The following SMIM13 variants were observed in gnomAD, a reference collection of about 807,000 sequenced individuals.
The protein encoded by SMIM13 is UPF0766 protein C6orf228.
A neutral mutation model predicts 5.9 loss-of-function variants in SMIM13; 3 were observed. That is an observed-to-expected ratio of 0.51 (90% CI 0.23 to 1.31). SMIM13 has a LOEUF of 1.31. SMIM13 is among the 40% of genes most tolerant of loss of function. SMIM13 has a pLI of 0.18. For synonymous variants in SMIM13, 55 were observed against 46.0 expected (o/e 1.19, Z -0.79); for missense variants, 85 against 109.9 (o/e 0.77, Z 1.01).
intron 1 of SMIM13, among the ~76,000 whole-genome samples, chr6:11,128,303 T>A (rs1275402122): frequency 4.6e-5 from 7 of 152,116 alleles, no homozygotes; most frequent in Non-Finnish European, 8.8e-5. Flanking sequence ...AGGGTGTATC[T>A]GGAAATGTCA....
At chr6:11,118,200 A>G (rs577228500) in intron 1 of SMIM13, among the ~76,000 whole-genome samples, 3 of 152,344 alleles carry the variant, frequency 2.0e-5, no homozygotes, top group Non-Finnish European at 2.9e-5. Context: ...TGAACGTCCC[A>G]TATATAATCA....
Position 11,136,302 on chromosome 6 carries a change from A to T in SMIM13, c.*1700A>T, listed in dbSNP as rs1175940066. 1 of 152,208 alleles carries T rather than the reference A, an allele frequency of 6.6e-6. No individual in the cohort carries two copies. The highest frequency in any genetic ancestry group is 6.5e-5 in the Admixed American group (1 of 15,276). The allele number at this position is 152,208 out of a possible 1,614,324, so 9.4% of individuals were successfully genotyped here. A position where few individuals can be genotyped will look rare whatever the true frequency, so the allele number is the denominator to read the frequency against. On this transcript the variant is annotated 3_prime_UTR_variant, in exon 2 of 2. Transcript: ENST00000416247. The stretch of plus-strand genomic sequence containing the variant: ...TTTGTCTCAACTGAACTCTGGGCTG[A>T]GTGTTTACCAGGGAGAAGAGATGTG...
At position 11,137,610 on chromosome 6, in the gene SMIM13, T is replaced by C. The variant is rs1188982494; in HGVS notation, c.*3008T>C. The C allele has an allele frequency of 6.6e-6, 1 of 152,222 alleles. No homozygotes were observed. The highest frequency in any genetic ancestry group is 1.9e-4 in the East Asian group (1 of 5,204). The allele number at this position is 152,222 out of a possible 1,614,324, so 9.4% of individuals were successfully genotyped here. ...CATCTTTTGAAGATTAATTCTAAAA[T>C]TGAGGACTCTGGTAGGTTGTTTTAT... On this transcript the variant is annotated 3_prime_UTR_variant, in exon 2 of 2. Transcript: ENST00000416247.
intron 1 of SMIM13, chr6:11,103,245 T>G (rs187984981): frequency 8.7e-4 from 143 of 164,572 alleles, no homozygotes; most frequent in African/African-American, 3.2e-3. Context: ...ACTCCTGAGA[T>G]CTTATCAGGA....
Position 11,125,671 on chromosome 6 carries a change from G to T in SMIM13, c.77-8732G>T, listed in dbSNP as rs4711181. Among the ~76,000 whole-genome samples, 5 of 152,224 alleles carry T rather than the reference G, an allele frequency of 3.3e-5. No individual in the cohort carries two copies. In the South Asian group the frequency reaches 6.2e-4, roughly 19 times the overall value. On this transcript the variant is annotated intron_variant, in intron 1 of 1. Transcript: ENST00000416247. Reference sequence around the variant, plus strand: ...ATGCCACCCTCTCCTGACCTGTAAGGTTTCCACTGAGAGATTGATTGCCAG... The same window carrying T: ...ATGCCACCCTCTCCTGACCTGTAAGTTTTCCACTGAGAGATTGATTGCCAG...
intron 1 of SMIM13, among the ~76,000 whole-genome samples, chr6:11,115,944 C>T (rs1238147159): frequency 2.6e-5 from 4 of 151,594 alleles, no homozygotes; most frequent in Non-Finnish European, 4.4e-5. Flanking sequence ...GCTTCGGCCT[C>T]CCAAAGTGCT....
chr6:11,124,499 AG>A lies in SMIM13; in HGVS notation c.77-9898del, dbSNP rs938266857. ...TTCAGTATATCGATTTCCTTTTTTTAGGGGGGTAGGTGGGGAAATACCTAGC... is the reference window on the plus strand; with the variant it reads ...TTCAGTATATCGATTTCCTTTTTTTAGGGGGTAGGTGGGGAAATACCTAGC... On this transcript the variant is annotated intron_variant, in intron 1 of 1. Coordinates refer to ENST00000416247, the MANE Select transcript of SMIM13 (RefSeq NM_001135575.2). Among the ~76,000 whole-genome samples, 10 of 152,058 alleles carry A rather than the reference AG, an allele frequency of 6.6e-5. No homozygotes were observed. The South Asian group carries it at 1.0e-3, about 16-fold the overall frequency.
Position 11,094,191 on chromosome 6 carries a change from C to T in SMIM13, c.-123C>T, listed in dbSNP as rs1166051734. On this transcript the variant is annotated 5_prime_UTR_variant, in exon 1 of 2. Coordinates refer to ENST00000416247, the MANE Select transcript of SMIM13 (RefSeq NM_001135575.2). The stretch of plus-strand genomic sequence containing the variant: ...GGCGCTGCCGAGGGGGCGCCAGCCG[C>T]CCATGCCGCCCCGGCGCCCAGCCGC... 3.1e-5 allele frequency: 8 copies of T among 256,562 alleles called. No homozygotes were observed. In the Admixed American group the frequency reaches 5.3e-4, roughly 17 times the overall value. 15.9% of individuals were successfully genotyped at this position (256,562 alleles called of 1,614,324 possible).
At chr6:11,126,575 A>G (rs1465063389) in intron 1 of SMIM13, among the ~76,000 whole-genome samples, 1 of 152,174 alleles carries the variant, frequency 6.6e-6, no homozygotes, top group African/African-American at 2.4e-5. Flanking sequence ...CAAAACAGCT[A>G]TTTTGAATCC....
At chr6:11,120,105 C>T (rs1318666799) in intron 1 of SMIM13, among the ~76,000 whole-genome samples, 3 of 152,136 alleles carry the variant, frequency 2.0e-5, no homozygotes, top group Admixed American at 2.0e-4. Flanking sequence ...GGTAGTGAGC[C>T]AGTCAACTAG....
At chr6:11,114,858 CCAAA>C (rs1758217075) in intron 1 of SMIM13, among the ~76,000 whole-genome samples, 1 of 151,980 alleles carries the variant, frequency 6.6e-6, no homozygotes, top group South Asian at 2.1e-4. Context: ...CCTTGGCCTC[CCAAA>C]GTGTTGGCAT....
chr6:11,101,032 C>CTTTTTTT (rs200622017), intron 1 of SMIM13, among the ~76,000 whole-genome samples: 67 of 127,450 alleles, frequency 5.3e-4, no homozygotes, highest in Non-Finnish European at 6.7e-4. Context: ...TCTCCATTTT[C>CTTTTTTT]TTTTTTTTTT....
intron 1 of SMIM13, among the ~76,000 whole-genome samples, chr6:11,134,200 G>A (rs1484896095): frequency 6.6e-6 from 1 of 152,108 alleles, no homozygotes; most frequent in Non-Finnish European, 1.5e-5. Flanking sequence ...TTCTATGAGG[G>A]TAGAGACTGT....
At chr6:11,104,624 T>C (rs1758055379) in intron 1 of SMIM13, 1 of 1,614,186 alleles carries the variant, frequency 6.2e-7, no homozygotes, top group Non-Finnish European at 8.5e-7. Flanking sequence ...TTTGGTCCAA[T>C]AGAACCCATT....
At chr6:11,129,081 G>GC (rs538204753) in intron 1 of SMIM13, among the ~76,000 whole-genome samples, 111 of 151,248 alleles carry the variant, frequency 7.3e-4, no homozygotes, top group African/African-American at 5.6e-4. Context: ...CCGGGAGCGG[G>GC]GGGGGGATGA....
At chr6:11,106,890 C>G (rs1172553844) in intron 1 of SMIM13, among the ~76,000 whole-genome samples, 1 of 152,226 alleles carries the variant, frequency 6.6e-6, no homozygotes, top group African/African-American at 2.4e-5. Flanking sequence ...GGTACACCCT[C>G]TCCTTCCAGA....
At chr6:11,123,572 C>T (rs570095557) in intron 1 of SMIM13, among the ~76,000 whole-genome samples, 1 of 152,290 alleles carries the variant, frequency 6.6e-6, no homozygotes, top group Admixed American at 6.5e-5. Context: ...AAGTGTATGA[C>T]AGAACAGTTT....
At chr6:11,108,100 A>G (rs1368807846) in intron 1 of SMIM13, among the ~76,000 whole-genome samples, 1 of 152,194 alleles carries the variant, frequency 6.6e-6, no homozygotes, top group Non-Finnish European at 1.5e-5. Flanking sequence ...TCTGAGCAAA[A>G]TATCTCTACC....
intron 1 of SMIM13, among the ~76,000 whole-genome samples, chr6:11,094,797 G>A (rs77912714): frequency 0.12 from 18,863 of 152,154 alleles, 1,467 homozygotes; most frequent in Non-Finnish European, 0.18. Flanking sequence ...TTTCATCAGC[G>A]AGTGGGGTAG....
Sources: gnomAD v4.1 joint callset for allele counts (sites outside exome capture counted in the v4.1 genomes callset) on GRCh38, gnomAD v4.1.1 for gene constraint, MANE v1.5 for transcripts, NCBI Gene and HGNC (gene_info 2026-07-23, HGNC 2026-07-21) for gene names.